The following EFCAB6 variants were observed in gnomAD, a reference collection of about 807,000 sequenced individuals.
EFCAB6 encodes the protein EF-hand calcium binding domain 6, also known as EF-hand calcium-binding domain-containing protein 6.
In EFCAB6, 156 loss-of-function variants were observed where a neutral mutation model predicts 169.8. The observed-to-expected ratio is 0.92, with a 90% CI of 0.81 to 1.05. The LOEUF (loss-of-function observed/expected upper bound fraction) is 1.05. Ranked by LOEUF, EFCAB6 falls within the 50% of genes least tolerant of loss-of-function variation. The pLI, the probability that EFCAB6 is intolerant of heterozygous loss-of-function variation, is 0.00. For synonymous variants in EFCAB6, 698 were observed against 676.4 expected, an observed-to-expected ratio of 1.03 and a Z score of -0.50; for missense variants, 1,800 against 1,829.1, an observed-to-expected ratio of 0.98 and a Z score of 0.29.
At chr22:43,559,180 C>G (rs551949651) in intron 26 of EFCAB6, among the ~76,000 whole-genome samples, 18 of 152,228 alleles carry the variant, frequency 1.2e-4, no homozygotes, top group African/African-American at 4.1e-4. Context: ...AAAAAAACAA[C>G]CCCATCAAAA....
intron 2 of EFCAB6, among the ~76,000 whole-genome samples, chr22:43,807,991 T>G (rs554424607): frequency 9.9e-5 from 15 of 152,226 alleles, no homozygotes; most frequent in African/African-American, 2.9e-4. Flanking sequence ...TTAATTAACC[T>G]CCTCCTGACT....
Position 43,784,531 on chromosome 22 carries a change from G to A in EFCAB6, c.-7-2206C>T, listed in dbSNP as rs1403342199. On this transcript the variant is annotated intron_variant, in intron 2 of 31. Coordinates refer to ENST00000262726, the MANE Select transcript of EFCAB6 (RefSeq NM_022785.4). ...TATATATGTGTGTGTGTGTGTGTGT[G>A]TGTGTGTGTGTGTATATGTATATAT... Among the ~76,000 whole-genome samples the A allele has an allele frequency of 3.7e-5, 4 of 108,236 alleles. 1 individual carries two copies. Among genetic ancestry groups the A allele is most frequent in the Non-Finnish European group, 7.3e-5 (4 of 54,678 alleles). 71.0% of individuals were successfully genotyped at this position (108,236 alleles called of 152,430 possible).
intron 1 of EFCAB6, among the ~76,000 whole-genome samples, chr22:43,810,742 C>T (rs887566788): frequency 1.9e-4 from 29 of 152,250 alleles, no homozygotes; most frequent in African/African-American, 6.3e-4. Context: ...TCTATGATCA[C>T]CTATCATGAA....
chr22:43,767,614 C>G (rs1297580191), intron 4 of EFCAB6, among the ~76,000 whole-genome samples: 1 of 152,176 alleles, frequency 6.6e-6, no homozygotes. Flanking sequence ...TTCTACAACT[C>G]ACAAAGCAGA....
rs554378831 is a variant in EFCAB6, at chr22:43,731,647, A to G, written c.757+52T>C. ...AGGAATGATCCAAAGAACAGGAATT[A>G]CCATGCCAAAAGATATTGAAATCTT... On this transcript the variant is annotated intron_variant, in intron 8 of 31. Coordinates refer to ENST00000262726, the MANE Select transcript of EFCAB6 (RefSeq NM_022785.4). 109 of 1,118,052 alleles carry G rather than the reference A, an allele frequency of 9.7e-5. No individual in the cohort carries two copies. In the African/African-American group the frequency reaches 1.6e-3, roughly 16 times the overall value. The allele number at this position is 1,118,052 out of a possible 1,614,324, so 69.3% of individuals were successfully genotyped here. A position where few individuals can be genotyped will look rare whatever the true frequency, so the allele number is the denominator to read the frequency against.
chr22:43,545,990 C>G (rs2048033183), intron 27 of EFCAB6, among the ~76,000 whole-genome samples: 1 of 152,082 alleles, frequency 6.6e-6, no homozygotes, highest in South Asian at 2.1e-4. Flanking sequence ...TTGGCAAAAA[C>G]AAGCTAAGAC....
chr22:43,541,183 C>T (rs559027585), intron 27 of EFCAB6, among the ~76,000 whole-genome samples: 124 of 152,298 alleles, frequency 8.1e-4, no homozygotes, highest in Middle Eastern at 6.8e-3. Flanking sequence ...TCCCATCCTG[C>T]GCTTTCCCCT....
intron 2 of EFCAB6, among the ~76,000 whole-genome samples, chr22:43,802,352 A>C (rs1319119683): frequency 6.6e-6 from 1 of 152,088 alleles, no homozygotes; most frequent in Non-Finnish European, 1.5e-5. Flanking sequence ...AACATGGCGA[A>C]ACCCTATCTC....
In EFCAB6 at chr22:43,580,640, C is replaced by T. The variant is rs139464446; in HGVS notation, c.3052G>A (p.Asp1018Asn). The T allele has an allele frequency of 1.7e-5, 28 of 1,614,004 alleles. No homozygotes were observed. In the African/African-American group the frequency reaches 2.0e-4, roughly 12 times the overall value. ...LLNSWGVSRH[D>N]NAINYLDFLR... Reference sequence around the variant, plus strand: ...AAGTCGAGGTAATTGATAGCATTATCATGCCGGCTGACTCCCCAACTTGTC... The same window carrying T: ...AAGTCGAGGTAATTGATAGCATTATTATGCCGGCTGACTCCCCAACTTGTC... Residue 1018 changes from aspartate to asparagine, a missense_variant, in exon 25 of 32, where the codon GAT becomes AAT. Transcript: ENST00000262726.
chr22:43,742,816 C>A (rs1002626847), intron 6 of EFCAB6, among the ~76,000 whole-genome samples: 18 of 152,358 alleles, frequency 1.2e-4, no homozygotes, highest in African/African-American at 4.1e-4. Flanking sequence ...CACTGCAGAG[C>A]CTGGGAGCAG....
rs1369519020 is a variant in EFCAB6, at chr22:43,626,423, C to G, written c.2465+24G>C. 3 of 1,608,972 alleles carry G rather than the reference C, an allele frequency of 1.9e-6. No individual in the cohort carries two copies. The African/African-American group carries it at 4.0e-5, about 22-fold the overall frequency. On this transcript the variant is annotated intron_variant, in intron 20 of 31. Coordinates refer to ENST00000262726, the MANE Select transcript of EFCAB6 (RefSeq NM_022785.4). The stretch of plus-strand genomic sequence containing the variant: ...GGCACGGGCCGGCATATATTAAAGA[C>G]ACAGACCCGTGCTGCCTTCTTACCT...
intron 13 of EFCAB6, among the ~76,000 whole-genome samples, chr22:43,674,919 C>T (rs1385904687): frequency 6.6e-6 from 1 of 151,954 alleles, no homozygotes; most frequent in East Asian, 1.9e-4. Flanking sequence ...GGCCACTAGG[C>T]TTGATCTGAC....
intron 13 of EFCAB6, among the ~76,000 whole-genome samples, chr22:43,673,323 C>A (rs2057575386): frequency 6.6e-6 from 1 of 152,034 alleles, no homozygotes; most frequent in Non-Finnish European, 1.5e-5. Flanking sequence ...AAAACATATT[C>A]TTTGACCCAA....
chr22:43,752,384 C>G (rs1007867453), intron 6 of EFCAB6, among the ~76,000 whole-genome samples: 4 of 152,202 alleles, frequency 2.6e-5, no homozygotes, highest in African/African-American at 9.7e-5. Context: ...TCCCAAAGTG[C>G]TGGGATTACA....
intron 17 of EFCAB6, among the ~76,000 whole-genome samples, chr22:43,641,224 T>C (rs976536833): frequency 2.2e-4 from 34 of 152,236 alleles, no homozygotes; most frequent in African/African-American, 8.0e-4. Flanking sequence ...TGCTATTGTG[T>C]CTGGTTGAAT....
At position 43,643,149 on chromosome 22, in the gene EFCAB6, C is replaced by T. The variant is rs555130958; in HGVS notation, c.1984-7933G>A. On this transcript the variant is annotated intron_variant, in intron 17 of 31. Transcript: ENST00000262726. ...ATTTGATTGAGGAGCTACCAGGGGC[C>T]GCCCCAGGACTGAATGACTTCCATC... 2.1e-4 allele frequency among the ~76,000 whole-genome samples: 32 copies of T among 152,304 alleles called. No individual in the cohort carries two copies. In the South Asian group the frequency reaches 6.0e-3, roughly 29 times the overall value.
At chr22:43,618,143 G>GAGGAAGGAAGGAAGGA (rs6147637) in intron 20 of EFCAB6, among the ~76,000 whole-genome samples, 1,212 of 63,710 alleles carry the variant, frequency 0.019, 73 homozygotes, top group South Asian at 0.021. Context: ...AGACAGAGAG[G>GAGGAAGGAAGGAAGGA]AGGAAGGAAG....
chr22:43,608,556 G>A lies in EFCAB6; in HGVS notation c.2607C>T (p.Arg869=), dbSNP rs1460186038. ...TDNEGNGILR[R]RDIKNALYGF... is the part of the protein sequence containing the mutation. Reference sequence around the variant, plus strand: ...CGTACAGTGCGTTCTTTATGTCCCGGCGTCGAAGAATGCCATTGCCCTCAT... The same window carrying A: ...CGTACAGTGCGTTCTTTATGTCCCGACGTCGAAGAATGCCATTGCCCTCAT... Residue 869 remains arginine, a synonymous_variant, in exon 22 of 32, where the codon CGC becomes CGT. Transcript: ENST00000262726. 2.5e-6 allele frequency: 4 copies of A among 1,614,010 alleles called. No individual in the cohort carries two copies. In the African/African-American group the frequency reaches 4.0e-5, roughly 16 times the overall value.
chr22:43,767,956 T>C (rs923088732), intron 4 of EFCAB6, among the ~76,000 whole-genome samples: 3 of 152,228 alleles, frequency 2.0e-5, no homozygotes, highest in African/African-American at 7.2e-5. Context: ...TATAGACGAA[T>C]TGCTGAAAGC....
Sources: allele counts gnomAD v4.1 joint callset (sites outside exome capture counted in the v4.1 genomes callset), GRCh38; gene constraint gnomAD v4.1.1; transcripts MANE v1.5; gene names NCBI Gene and HGNC (gene_info 2026-07-23, HGNC 2026-07-21).